Variants in ST14 observed in about 807,000 individuals in gnomAD.
ST14 encodes the protein ST14 transmembrane serine protease matriptase.
In ST14, 40 loss-of-function variants were observed where a neutral mutation model predicts 96.5. That is an observed-to-expected ratio of 0.41 (90% CI 0.32 to 0.54). The LOEUF (loss-of-function observed/expected upper bound fraction) is 0.54, where lower values mean the gene tolerates loss of function less well. ST14 is among the 20% of genes least tolerant of loss of function. The pLI is 0.17. For missense variants in ST14, 1,066 were observed against 1,188.9 expected, an observed-to-expected ratio of 0.90 and a Z score of 1.52; for synonymous variants, 506 against 492.1, an observed-to-expected ratio of 1.03 and a Z score of -0.37.
intron 1 of ST14, among the ~76,000 whole-genome samples, chr11:130,178,204 C>T (rs1953159765): frequency 6.6e-6 from 1 of 152,190 alleles, no homozygotes; most frequent in South Asian, 2.1e-4. Context: ...GTTTAACAAA[C>T]CAGTCCAGGA....
chr11:130,202,488 CG>C (rs957018345), intron 16 of ST14, among the ~76,000 whole-genome samples: 8 of 152,054 alleles, frequency 5.3e-5, no homozygotes, highest in African/African-American at 1.9e-4. Flanking sequence ...CTGAGGGACT[CG>C]GGGGGTGACT....
In ST14 at chr11:130,190,496, T is replaced by A; in HGVS notation, c.677T>A (p.Met226Lys). Residue 226 changes from methionine (M) to lysine (K), a missense_variant, in exon 7 of 19, where the codon ATG becomes AAG. Coordinates refer to ENST00000278742, the MANE Select transcript of ST14 (RefSeq NM_021978.4). Reference protein sequence around the residue: ...FGLHARGVELMRFTTPGFPDS... With the variant: ...FGLHARGVELKRFTTPGFPDS... Reference sequence around the variant, plus strand: ...CTGCACGCCCGCGGTGTGGAGCTGATGCGCTTCACCACGCCCGGCTTCCCT... The same window carrying A: ...CTGCACGCCCGCGGTGTGGAGCTGAAGCGCTTCACCACGCCCGGCTTCCCT... 1 of 1,608,784 alleles carries A rather than the reference T, an allele frequency of 6.2e-7. No homozygotes were observed. Among genetic ancestry groups the A allele is most frequent in the Non-Finnish European group, 8.5e-7 (1 of 1,179,888 alleles).
chr11:130,187,012 C>A lies in ST14; in HGVS notation c.82-1102C>A, dbSNP rs565696834. ...GCAGGAGTGAGGAGAATCTTTCATGCAGTGAGTTGATAATGGGTAAATGTG... is the reference window on the plus strand; with the variant it reads ...GCAGGAGTGAGGAGAATCTTTCATGAAGTGAGTTGATAATGGGTAAATGTG... On this transcript the variant is annotated intron_variant, in intron 1 of 18. Transcript: ENST00000278742. This position sits in a 1 kb window ranked among gnomAD's most constrained non-coding sequence, Gnocchi z 4.5. Among the ~76,000 whole-genome samples the A allele has an allele frequency of 6.6e-6, 1 of 152,270 alleles. No homozygotes were observed. Among genetic ancestry groups the A allele is most frequent in the South Asian group, 2.1e-4 (1 of 4,818 alleles).
At chr11:130,198,240 C>A in intron 12 of ST14, 68 bp from the exon 13 acceptor site, 1 of 1,455,940 alleles carries the variant, frequency 6.9e-7, no homozygotes, top group Non-Finnish European at 9.7e-7. Flanking sequence ...GCTCTGATCG[C>A]CTGGGCATCC....
chr11:130,163,629 G>A (rs1161642888), intron 1 of ST14, among the ~76,000 whole-genome samples: 1 of 152,162 alleles, frequency 6.6e-6, no homozygotes, highest in African/African-American at 2.4e-5. Flanking sequence ...GAGGAAGAGG[G>A]TTGGGAAGGC....
rs1953281182 is a variant in ST14, at chr11:130,190,124, A to G, written c.610A>G (p.Lys204Glu). The change falls in exon 6 of 19, where the codon AAA becomes GAA. Residue 204 changes from lysine to glutamate, a missense_variant. Physicochemically the swap from Lys to Glu is moderately conservative, Grantham distance 56. Transcript: ENST00000278742. ...TSVVAFPTDSKTVQRTQDNSC... is the reference protein window; with the variant it reads ...TSVVAFPTDSETVQRTQDNSC... ...TTCTTATTCTTCAGCCACGGACTCCAAAACAGTACAGAGGACCCAGGACAG... is the reference window on the plus strand; with the variant it reads ...TTCTTATTCTTCAGCCACGGACTCCGAAACAGTACAGAGGACCCAGGACAG... 1 of 1,614,084 alleles carries G rather than the reference A, an allele frequency of 6.2e-7. No individual in the cohort carries two copies. The highest frequency in any genetic ancestry group is 1.3e-5 in the African/African-American group (1 of 74,940).
At chr11:130,161,674 T>G (rs1953000009) in intron 1 of ST14, among the ~76,000 whole-genome samples, 1 of 152,206 alleles carries the variant, frequency 6.6e-6, no homozygotes, top group East Asian at 1.9e-4. Context: ...CCTCCTCCTC[T>G]GCGAAGCTCA....
intron 7 of ST14, among the ~76,000 whole-genome samples, chr11:130,193,908 C>T (rs1037936845): frequency 1.3e-5 from 2 of 152,170 alleles, no homozygotes; most frequent in Non-Finnish European, 2.9e-5. Flanking sequence ...TTATCACTAG[C>T]GCCTTCCATC....
intron 1 of ST14, among the ~76,000 whole-genome samples, chr11:130,185,039 G>T (rs989842517): frequency 2.6e-5 from 4 of 152,196 alleles, no homozygotes; most frequent in Non-Finnish European, 5.9e-5. Flanking sequence ...CCAAACAGCC[G>T]CCAGGAGCTT....
intron 16 of ST14, among the ~76,000 whole-genome samples, chr11:130,206,165 T>G (rs1236066133): frequency 6.6e-6 from 1 of 152,208 alleles, no homozygotes; most frequent in Non-Finnish European, 1.5e-5. Context: ...GCCAGTTATC[T>G]TACAGGATGC....
chr11:130,160,712 T>C (rs956390833), intron 1 of ST14, among the ~76,000 whole-genome samples: 1 of 152,180 alleles, frequency 6.6e-6, no homozygotes, highest in Non-Finnish European at 1.5e-5. Context: ...AAGCTCTTCT[T>C]TGGCAGAAAG....
At position 130,188,780 on chromosome 11, in the gene ST14, A is replaced by T. The variant is rs530191830; in HGVS notation, c.370-89A>T. 21 of 1,602,732 alleles carry T rather than the reference A, an allele frequency of 1.3e-5. No homozygotes were observed. The African/African-American group carries it at 2.7e-4, about 20-fold the overall frequency. ...GGGATGGGGGTGATCTGCAAAGGGG[A>T]CCCGGGCCCTGGAGGGGAGGGAGCA... On this transcript the variant is annotated intron_variant, in intron 3 of 18. Coordinates refer to ENST00000278742, the MANE Select transcript of ST14 (RefSeq NM_021978.4). The surrounding 1 kb of genome is among the most constrained non-coding windows in gnomAD (Gnocchi z 5.4).
In ST14 at chr11:130,209,452, G is replaced by A. The variant is rs1247497308; in HGVS notation, c.2280G>A (p.Ala760=). ...WGHTQYGGTG[A]LILQKGEIRV... ...CTGCCCTCTCCCCAGGCACTGGCGC[G>A]CTGATCCTGCAAAAGGGTGAGATCC... The change falls in exon 18 of 19, where the codon GCG becomes GCA. Residue 760 remains alanine, a synonymous_variant. Transcript: ENST00000278742. The A allele has an allele frequency of 1.9e-6, 3 of 1,583,510 alleles. No homozygotes were observed. Among genetic ancestry groups the A allele is most frequent in the Non-Finnish European group, 1.7e-6 (2 of 1,165,002 alleles).
At chr11:130,176,262 A>G (rs1272545024) in intron 1 of ST14, among the ~76,000 whole-genome samples, 4 of 151,844 alleles carry the variant, frequency 2.6e-5, no homozygotes, top group Non-Finnish European at 4.4e-5. Flanking sequence ...GTCTTGCTGT[A>G]TATACCCACC....
intron 9 of ST14, among the ~76,000 whole-genome samples, chr11:130,195,493 CAA>C (rs915626448): frequency 3.9e-5 from 6 of 152,188 alleles, no homozygotes; most frequent in African/African-American, 1.2e-4. Flanking sequence ...GTGTGTGAGA[CAA>C]GAGAGTCGCC....
intron 1 of ST14, among the ~76,000 whole-genome samples, 191 bp downstream of exon 1, chr11:130,160,251 C>A (rs1952989193): frequency 6.6e-6 from 1 of 151,916 alleles, no homozygotes; most frequent in Non-Finnish European, 1.5e-5. Context: ...TGGTACCGGA[C>A]CGGCTGCGCC....
chr11:130,196,639 A>G lies in ST14; in HGVS notation c.1293A>G (p.Ser431=), dbSNP rs1953368535. 3 of 1,614,006 alleles carry G rather than the reference A, an allele frequency of 1.9e-6. No individual in the cohort carries two copies. The East Asian group carries it at 6.7e-5, about 36-fold the overall frequency. Residue 431 remains serine (S), a synonymous_variant, in exon 11 of 19, where the codon TCA becomes TCG. Transcript: ENST00000278742. ...ACAAGATCACAGTTCGCTTCCACTC[A>G]GATCAGTCCTACACCGACACCGGCT... The part of the protein sequence containing the change: ...NSNKITVRFH[S]DQSYTDTGFL...
chr11:130,191,501 C>T (rs1171198591), intron 7 of ST14, among the ~76,000 whole-genome samples: 4 of 151,820 alleles, frequency 2.6e-5, no homozygotes, highest in Admixed American at 2.6e-4. Flanking sequence ...ACCAGTCAAG[C>T]CAACCTGGTG....
At chr11:130,160,141 TC>T in intron 1 of ST14, 81 bp downstream of exon 1, 1 of 997,370 alleles carries the variant, frequency 1.0e-6, no homozygotes, top group Non-Finnish European at 1.3e-6. Flanking sequence ...CTCGGCCGGC[TC>T]CCCTGGCGTG....
Sources: gnomAD v4.1 joint callset for allele counts (sites outside exome capture counted in the v4.1 genomes callset) on GRCh38, gnomAD v4.1.1 for gene constraint, Gnocchi (gnomAD v3.1) non-coding constraint, MANE v1.5 for transcripts, NCBI Gene and HGNC (gene_info 2026-07-23, HGNC 2026-07-21) for gene names.